Variants in MARVELD3 observed in about 807,000 individuals in gnomAD.
MARVELD3 encodes the protein MARVEL domain-containing protein 3.
A neutral mutation model predicts 33.5 loss-of-function variants in MARVELD3; 28 were observed. That is an observed-to-expected ratio of 0.84 (90% CI 0.62 to 1.15). The LOEUF is 1.15. MARVELD3 is among the 50% of genes most tolerant of loss of function. The pLI is 0.00. For synonymous variants in MARVELD3, 241 were observed against 230.4 expected (o/e 1.05, Z -0.42); for missense variants, 582 against 547.6 (o/e 1.06, Z -0.63).
At chr16:71,629,663 AGG>A (rs2044509747) in intron 2 of MARVELD3, 169 bp downstream of exon 2, 2 of 628,248 alleles carry the variant, frequency 3.2e-6, no homozygotes, top group Non-Finnish European at 4.9e-6. Context: ...AAAAAAAAAA[AGG>A]AGGAACGTCT....
At chr16:71,630,620 G>C (rs1253362345) in intron 2 of MARVELD3, among the ~76,000 whole-genome samples, 1 of 147,730 alleles carries the variant, frequency 6.8e-6, no homozygotes, top group South Asian at 2.1e-4. Context: ...GCGAAACTAC[G>C]TCTTAAAAAA....
chr16:71,634,090 G>T, intron 2 of MARVELD3, 103 bp from the exon 3 acceptor site: 1 of 1,507,882 alleles, frequency 6.6e-7, no homozygotes, highest in Non-Finnish European at 8.8e-7. Context: ...AGGGCCAGAA[G>T]CCTTCAGGGG....
At chr16:71,636,925 C>T (rs1339792899), downstream of MARVELD3, among the ~76,000 whole-genome samples, 3 of 152,196 alleles carry the variant, frequency 2.0e-5, no homozygotes, top group African/African-American at 2.4e-5. Context: ...GATCTCATGT[C>T]GTTTCAGGAT....
chr16:71,627,772 A>AG (rs2044489363), intron 1 of MARVELD3, among the ~76,000 whole-genome samples: 1 of 3,208 alleles, frequency 3.1e-4, no homozygotes, highest in East Asian at 7.2e-3. Flanking sequence ...GAGCTAGGGG[A>AG]GGGTGGGGGG....
intron 2 of MARVELD3, among the ~76,000 whole-genome samples, chr16:71,630,117 T>C (rs2044518699): frequency 6.7e-6 from 1 of 148,470 alleles, no homozygotes; most frequent in Admixed American, 6.8e-5. Flanking sequence ...GCTGGCGTAG[T>C]GGCTTACGCC....
At position 71,626,188 on chromosome 16, in the gene MARVELD3, T is replaced by C; in HGVS notation, c.-42T>C. The C allele has an allele frequency of 7.0e-7, 1 of 1,431,638 alleles. No individual in the cohort carries two copies. The highest frequency in any genetic ancestry group is 9.2e-7 in the Non-Finnish European group (1 of 1,091,970). The allele number at this position is 1,431,638 out of a possible 1,614,324, so 88.7% of individuals were successfully genotyped here. A position where few individuals can be genotyped will look rare whatever the true frequency, so the allele number is the denominator to read the frequency against. ...ACCTGCCCAAGAAACTTGTTGGTTGTTGCCCTCAGGTCGCTCCCGGGCGGG... is the reference window on the plus strand; with the variant it reads ...ACCTGCCCAAGAAACTTGTTGGTTGCTGCCCTCAGGTCGCTCCCGGGCGGG... On this transcript the variant is annotated 5_prime_UTR_variant, in exon 1 of 3. Transcript: ENST00000268485. This position sits in a 1 kb window ranked among gnomAD's most constrained non-coding sequence, Gnocchi z 5.3.
At chr16:71,632,191 C>G (rs2044540191) in intron 2 of MARVELD3, among the ~76,000 whole-genome samples, 1 of 152,116 alleles carries the variant, frequency 6.6e-6, no homozygotes, top group African/African-American at 2.4e-5. Context: ...GGTTTGCTGA[C>G]AAGGAAAGTG....
chr16:71,631,997 A>G (rs1361805805), intron 2 of MARVELD3, among the ~76,000 whole-genome samples: 2 of 152,184 alleles, frequency 1.3e-5, no homozygotes, highest in Admixed American at 6.6e-5. Flanking sequence ...AGCATGTACA[A>G]TTTCCAGCTC....
At chr16:71,630,101 A>G (rs953891321) in intron 2 of MARVELD3, among the ~76,000 whole-genome samples, 40 of 147,230 alleles carry the variant, frequency 2.7e-4, no homozygotes, top group Non-Finnish European at 4.0e-4. Flanking sequence ...AAAAAAAGGG[A>G]AAAAGGCTGG....
At chr16:71,640,493 C>T (rs773338342), downstream of MARVELD3, 14 of 1,614,008 alleles carry the variant, frequency 8.7e-6, no homozygotes, top group South Asian at 3.3e-5. Context: ...TTTCCAGCGG[C>T]GGTGGCTTTG....
At chr16:71,630,770 T>C (rs1337776072) in intron 2 of MARVELD3, among the ~76,000 whole-genome samples, 6 of 152,190 alleles carry the variant, frequency 3.9e-5, no homozygotes, top group African/African-American at 4.8e-5. Context: ...GAAACCATAC[T>C]GACCCTATTA....
rs1377790041 is a variant in MARVELD3, at chr16:71,636,183, A to G, written c.*1380A>G. On this transcript the variant is annotated 3_prime_UTR_variant, in exon 3 of 3. Transcript: ENST00000268485. ...AAGTTCTTTGCTTTATGTGAATCCA[A>G]TAAAAAATCCAAAGAATTTTAATTT... 2.0e-6 allele frequency: 2 copies of G among 980,970 alleles called. No individual in the cohort carries two copies. The highest frequency in any genetic ancestry group is 1.7e-5 in the African/African-American group (1 of 57,162). 60.8% of individuals were successfully genotyped at this position (980,970 alleles called of 1,614,324 possible).
At position 71,629,679 on chromosome 16, in the gene MARVELD3, A is replaced by G. The variant is rs537420180; in HGVS notation, c.595+185A>G. The G allele has an allele frequency of 3.9e-5, 23 of 590,630 alleles. No individual in the cohort carries two copies. In the South Asian group the frequency reaches 7.4e-4, roughly 19 times the overall value. 36.6% of individuals were successfully genotyped at this position (590,630 alleles called of 1,614,324 possible). ...AAAAAAAAAAGGAGGAACGTCTCAA[A>G]AGTGCTGCTAGATTTCCTGTGCTTC... On this transcript the variant is annotated intron_variant, in intron 2 of 2. Coordinates refer to ENST00000268485, the MANE Select transcript of MARVELD3 (RefSeq NM_052858.6).
chr16:71,626,485 G>A lies in MARVELD3; in HGVS notation c.256G>A (p.Asp86Asn), dbSNP rs1459852031. Residue 86 changes from aspartate (D) to asparagine (N), a missense_variant, in exon 1 of 3, where the codon GAC becomes AAC. Coordinates refer to ENST00000268485, the MANE Select transcript of MARVELD3 (RefSeq NM_052858.6). The surrounding 1 kb of genome is among the most constrained non-coding windows in gnomAD (Gnocchi z 5.3). ...GGAGAGAGAGAGGGAAAGAGACCCG[G>A]ACCGAGGCCCCCGCCGGGACACACA... ...ERERERERDP[D>N]RGPRRDTHRD... 8 of 1,549,542 alleles carry A rather than the reference G, an allele frequency of 5.2e-6. No homozygotes were observed. The Admixed American group carries it at 1.6e-4, about 30-fold the overall frequency.
downstream of MARVELD3, chr16:71,637,787 C>G (rs990381071): frequency 6.6e-6 from 1 of 152,192 alleles, no homozygotes; most frequent in African/African-American, 2.4e-5. Context: ...TATTATGTTT[C>G]TCACCAATCC....
At chr16:71,632,416 C>T (rs1260841070) in intron 2 of MARVELD3, among the ~76,000 whole-genome samples, 3 of 152,018 alleles carry the variant, frequency 2.0e-5, no homozygotes, top group African/African-American at 4.8e-5. Flanking sequence ...GCCAAGGGAC[C>T]GGGAAGAATC....
Position 71,634,604 on chromosome 16 carries a change from T to G in MARVELD3, c.1007T>G (p.Val336Gly). 1 of 1,614,138 alleles carries G rather than the reference T, an allele frequency of 6.2e-7. No homozygotes were observed. Among genetic ancestry groups the G allele is most frequent in the Non-Finnish European group, 8.5e-7 (1 of 1,180,030 alleles). Residue 336 changes from valine to glycine, a missense_variant, in exon 3 of 3, where the codon GTG (valine) becomes GGG (glycine). Coordinates refer to ENST00000268485, the MANE Select transcript of MARVELD3 (RefSeq NM_052858.6). ...CTCTCTGCTGCCTATGGCTCTCCTGTGTGTAAAGAGAGGCAGGCGCTGTAC... is the reference window on the plus strand; with the variant it reads ...CTCTCTGCTGCCTATGGCTCTCCTGGGTGTAAAGAGAGGCAGGCGCTGTAC... Reference protein sequence around the residue: ...HYLSAAYGSPVCKERQALYQS... With the variant: ...HYLSAAYGSPGCKERQALYQS...
chr16:71,638,089 TTC>T (rs1207883939), downstream of MARVELD3: 1 of 152,180 alleles, frequency 6.6e-6, no homozygotes, highest in Non-Finnish European at 1.5e-5. Context: ...TCATTTGTAT[TTC>T]TCTTCATGCT....
At chr16:71,638,129 G>C (rs1169299257), downstream of MARVELD3, 1 of 152,150 alleles carries the variant, frequency 6.6e-6, no homozygotes, top group African/African-American at 2.4e-5. Flanking sequence ...GGAATGGCAG[G>C]AGACCCTCTC....
Sources: gnomAD v4.1 joint callset for allele counts (sites outside exome capture counted in the v4.1 genomes callset) on GRCh38, gnomAD v4.1.1 for gene constraint, Gnocchi (gnomAD v3.1) non-coding constraint, MANE v1.5 for transcripts, NCBI Gene and HGNC (gene_info 2026-07-23, HGNC 2026-07-21) for gene names.